The following DAB1 variants were observed in gnomAD, a reference collection of about 807,000 sequenced individuals.
The protein encoded by DAB1 is disabled homolog 1.
In DAB1, 15 loss-of-function variants were observed where a neutral mutation model predicts 64.6. The ratio of observed to expected loss-of-function variants is 0.23; its 90% CI spans 0.16 to 0.36. The LOEUF (loss-of-function observed/expected upper bound fraction) is 0.36, where lower values mean the gene tolerates loss of function less well. DAB1 is among the 10% of genes least tolerant of loss of function. DAB1 has a pLI of 1.00. For synonymous variants in DAB1, 235 were observed against 251.9 expected, an observed-to-expected ratio of 0.93 and a Z score of 0.64; for missense variants, 596 against 706.7, an observed-to-expected ratio of 0.84 and a Z score of 1.78.
intron 4 of DAB1, among the ~76,000 whole-genome samples, chr1:58,151,563 C>T (rs998990172): frequency 1.3e-5 from 2 of 152,108 alleles, no homozygotes; most frequent in African/African-American, 4.8e-5. Context: ...TACCAAATAT[C>T]TTGAAAATTT....
chr1:58,056,601 C>T (rs1028186877), intron 5 of DAB1: 2 of 681,770 alleles, frequency 2.9e-6, no homozygotes, highest in East Asian at 2.7e-5. Context: ...TCATCAATGC[C>T]CCAGTGCAAG....
chr1:58,438,591 G>A (rs1644971417), intron 3 of DAB1, among the ~76,000 whole-genome samples: 1 of 152,166 alleles, frequency 6.6e-6, no homozygotes, highest in South Asian at 2.1e-4. Flanking sequence ...TATGTTTGCT[G>A]CTAGCAGCTC....
chr1:57,635,997 T>G, intron 7 of DAB1, among the ~76,000 whole-genome samples: 1 of 148,002 alleles, frequency 6.8e-6, no homozygotes. Flanking sequence ...CTCAGGAGGC[T>G]GAGGCAGGAG....
intron 2 of DAB1, among the ~76,000 whole-genome samples, chr1:57,213,352 A>G (rs1010865909): frequency 9.2e-5 from 14 of 152,214 alleles, no homozygotes; most frequent in Admixed American, 6.5e-4. Context: ...CATGTACTAC[A>G]CATCTCAATT....
intron 2 of DAB1, among the ~76,000 whole-genome samples, chr1:57,178,899 C>T (rs900181648): frequency 6.6e-6 from 1 of 151,912 alleles, no homozygotes; most frequent in African/African-American, 2.4e-5. Context: ...CCCATCGCCA[C>T]CTCCTGGAGA....
At chr1:58,106,371 A>ACAGGGTCT (rs1316579402) in intron 5 of DAB1, among the ~76,000 whole-genome samples, 6 of 152,072 alleles carry the variant, frequency 3.9e-5, no homozygotes, top group African/African-American at 1.4e-4. Context: ...TTTGGTAGAG[A>ACAGGGTCT]CAGGGTCTCA....
chr1:57,426,956 T>C (rs1029364818), upstream of DAB1, among the ~76,000 whole-genome samples: 2 of 151,470 alleles, frequency 1.3e-5, no homozygotes, highest in African/African-American at 4.9e-5. Context: ...CTCCGCCTCC[T>C]GGGTTCACGC....
intron 7 of DAB1, among the ~76,000 whole-genome samples, chr1:57,566,128 A>C (rs2101520628): frequency 6.6e-6 from 1 of 152,292 alleles, no homozygotes; most frequent in Non-Finnish European, 1.5e-5. Flanking sequence ...AACTCACTCA[A>C]AACCACTCAA....
At chr1:57,283,143 T>C (rs1386861203) in intron 2 of DAB1, among the ~76,000 whole-genome samples, 1 of 152,242 alleles carries the variant, frequency 6.6e-6, no homozygotes, top group South Asian at 2.1e-4. Flanking sequence ...AATGGGATGA[T>C]GTAAGAGTTA....
intron 2 of DAB1, among the ~76,000 whole-genome samples, chr1:57,157,806 A>G (rs1050602905): frequency 6.6e-6 from 1 of 152,234 alleles, no homozygotes; most frequent in African/African-American, 2.4e-5. Flanking sequence ...AGGAGATGTG[A>G]AAAGCTGAAT....
intron 3 of DAB1, among the ~76,000 whole-genome samples, chr1:58,428,206 T>A (rs1476687772): frequency 6.6e-6 from 1 of 152,212 alleles, no homozygotes; most frequent in Non-Finnish European, 1.5e-5. Context: ...GCAGTAATCA[T>A]CAATGGCATC....
intron 7 of DAB1, among the ~76,000 whole-genome samples, chr1:57,611,292 A>G (rs995185016): frequency 6.6e-6 from 1 of 151,982 alleles, no homozygotes; most frequent in African/African-American, 2.4e-5. Context: ...CTTTTAGGTA[A>G]CTCAGCTGAA....
chr1:58,329,291 T>C (rs1360472848), intron 4 of DAB1, among the ~76,000 whole-genome samples: 2 of 152,214 alleles, frequency 1.3e-5, no homozygotes, highest in Non-Finnish European at 2.9e-5. Context: ...GCATTCTGAT[T>C]TTTAACCTGA....
intron 6 of DAB1, among the ~76,000 whole-genome samples, chr1:57,673,562 G>A (rs1558597939): frequency 6.6e-6 from 1 of 152,080 alleles, no homozygotes; most frequent in African/African-American, 2.4e-5. Context: ...ATGGATGAAT[G>A]CAGGCTGATT....
At chr1:57,836,385 T>C (rs1408812922) in intron 1 of DAB1, among the ~76,000 whole-genome samples, 2 of 152,264 alleles carry the variant, frequency 1.3e-5, no homozygotes, top group Middle Eastern at 3.4e-3. Flanking sequence ...TCAAGTAAAA[T>C]AACTTGACTC....
At chr1:57,001,421 C>T (rs762054141) in intron 14 of DAB1, among the ~76,000 whole-genome samples, 2 of 152,294 alleles carry the variant, frequency 1.3e-5, no homozygotes, top group African/African-American at 2.4e-5. Context: ...GCCCATTAGT[C>T]TCTTAGTCCA....
chr1:58,073,482 GC>G (rs1649403244), intron 5 of DAB1, among the ~76,000 whole-genome samples: 1 of 152,126 alleles, frequency 6.6e-6, no homozygotes, highest in Non-Finnish European at 1.5e-5. Flanking sequence ...TCTCCCCAGG[GC>G]CCCTACAGTA....
At chr1:58,484,624 A>G (rs1194005073) in intron 3 of DAB1, among the ~76,000 whole-genome samples, 2 of 152,214 alleles carry the variant, frequency 1.3e-5, no homozygotes, top group Non-Finnish European at 2.9e-5. Context: ...GGCTTGGTAA[A>G]TGTTTTTAAC....
At chr1:57,304,349 C>T (rs1031006732) in intron 1 of DAB1, among the ~76,000 whole-genome samples, 1 of 148,738 alleles carries the variant, frequency 6.7e-6, no homozygotes, top group Admixed American at 6.7e-5. Flanking sequence ...CTTCCAGTCA[C>T]CTCCCACCAG....
Sources: allele counts gnomAD v4.1 joint callset (sites outside exome capture counted in the v4.1 genomes callset), GRCh38; gene constraint gnomAD v4.1.1; transcripts MANE v1.5; gene names NCBI Gene and HGNC (gene_info 2026-07-23, HGNC 2026-07-21).